AANAT: variants seen among roughly 807,000 people sequenced by gnomAD.
The protein encoded by AANAT is serotonin N-acetyltransferase.
AANAT carries 11 observed loss-of-function variants against 15.6 expected under a neutral mutation model. The observed-to-expected ratio is 0.71, with a 90% CI of 0.44 to 1.17. AANAT has a LOEUF of 1.17. Among genes scored for constraint, AANAT ranks in the 50% most tolerant of loss-of-function variants. AANAT has a pLI of 0.00. For synonymous variants in AANAT, 139 were observed against 131.5 expected, an observed-to-expected ratio of 1.06 and a Z score of -0.39; for missense variants, 286 against 296.3, an observed-to-expected ratio of 0.97 and a Z score of 0.26.
rs1298046407 is a variant in AANAT, at chr17:76,467,697, G to C, written c.-106G>C. 12 of 985,462 alleles carry C rather than the reference G, an allele frequency of 1.2e-5. No individual in the cohort carries two copies. Among genetic ancestry groups the C allele is most frequent in the Admixed American group, 6.1e-5 (1 of 16,296 alleles). The allele number at this position is 985,462 out of a possible 1,614,324, so 61.0% of individuals were successfully genotyped here. A position where few individuals can be genotyped will look rare whatever the true frequency, so the allele number is the denominator to read the frequency against. ...CCCCCAGGGCTAGCGGCTTTGTGGA[G>C]GGAACACTGGGTATCCTCTCCACAG... is the stretch of plus-strand genomic sequence containing the variant. On this transcript the variant is annotated 5_prime_UTR_variant, in exon 1 of 4. Transcript: ENST00000392492.
intron 1 of AANAT, among the ~76,000 whole-genome samples, chr17:76,454,310 A>G (rs2073315364): frequency 6.9e-6 from 1 of 144,630 alleles, no homozygotes; most frequent in African/African-American, 2.6e-5. Flanking sequence ...CCCCATCTCT[A>G]CTAAAAATAC....
Position 76,469,464 on chromosome 17 carries a change from C to G in AANAT, c.318+137C>G. ...AGATGAGTACAGGCCACAGGCCCCT[C>G]CCAGAGCAAGACCTTCTGGGTCTTC... On this transcript the variant is annotated intron_variant, in intron 3 of 3. Coordinates refer to ENST00000392492, the MANE Select transcript of AANAT (RefSeq NM_001088.3). This position sits in a 1 kb window ranked among gnomAD's most constrained non-coding sequence, Gnocchi z 5.2. 6 of 1,329,420 alleles carry G rather than the reference C, an allele frequency of 4.5e-6. No homozygotes were observed. The highest frequency in any genetic ancestry group is 6.1e-6 in the Non-Finnish European group (6 of 979,954). The allele number at this position is 1,329,420 out of a possible 1,614,324, so 82.4% of individuals were successfully genotyped here.
chr17:76,460,601 T>C (rs1013213248), intron 2 of AANAT, among the ~76,000 whole-genome samples: 8 of 152,250 alleles, frequency 5.3e-5, no homozygotes, highest in African/African-American at 1.9e-4. Flanking sequence ...GTGCCCAGCC[T>C]CTTTTGGCTT....
At chr17:76,462,529 C>G (rs761846876) in intron 3 of AANAT, 16 of 152,336 alleles carry the variant, frequency 1.1e-4, no homozygotes, top group Admixed American at 5.9e-4. Context: ...GGGGATGCGC[C>G]AAGGCCTCGG....
chr17:76,468,654 C>T lies in AANAT; in HGVS notation c.-75-18C>T, dbSNP rs749009347. On this transcript the variant is annotated intron_variant, in intron 1 of 3. Transcript: ENST00000392492. ...GGAGATGAGGATGAGACCCCTGTCC[C>T]TTGCTGTTCTCCAACAGGTGCTGGG... 6.5e-7 allele frequency: 1 copy of T among 1,534,088 alleles called. No homozygotes were observed. Among genetic ancestry groups the T allele is most frequent in the Non-Finnish European group, 8.7e-7 (1 of 1,143,700 alleles).
chr17:76,465,882 G>T, upstream of AANAT: 1 of 369,938 alleles, frequency 2.7e-6, no homozygotes, highest in Non-Finnish European at 5.0e-6. Flanking sequence ...TTTTGAGACA[G>T]GGTCTCGCTC....
chr17:76,466,356 C>A, upstream of AANAT: 2 of 557,442 alleles, frequency 3.6e-6, no homozygotes, highest in Non-Finnish European at 5.9e-6. Context: ...CCTCAGAGTG[C>A]AGAGGGGCCC....
upstream of AANAT, among the ~76,000 whole-genome samples, chr17:76,464,799 A>ATTT (rs56837304): frequency 0.024 from 3,578 of 148,370 alleles, 77 homozygotes; most frequent in Non-Finnish European, 0.04. Context: ...GTATCTATAT[A>ATTT]TTTTTTTTTT....
Position 76,469,441 on chromosome 17 carries a change from A to T in AANAT, c.318+114A>T. 6.9e-7 allele frequency: 1 copy of T among 1,453,040 alleles called. No homozygotes were observed. Among genetic ancestry groups the T allele is most frequent in the African/African-American group, 1.4e-5 (1 of 71,726 alleles). The allele number at this position is 1,453,040 out of a possible 1,614,324, so 90.0% of individuals were successfully genotyped here. ...GATTTCTTCCTCCAGAACTGGAGAG[A>T]TGAGTACAGGCCACAGGCCCCTCCC... On this transcript the variant is annotated intron_variant, in intron 3 of 3. Transcript: ENST00000392492. The surrounding 1 kb of genome is among the most constrained non-coding windows in gnomAD (Gnocchi z 5.2).
In AANAT at chr17:76,455,056, A is replaced by C. The variant is rs1032010819; in HGVS notation, c.-576+1274A>C. On this transcript the variant is annotated intron_variant, in intron 1 of 6. Transcript: ENST00000250615. ...GCAGGAGAATCACTTGAACCTGGGGAGTGGAGGTTGTAGTGAGCCTAGATC... is the reference window on the plus strand; with the variant it reads ...GCAGGAGAATCACTTGAACCTGGGGCGTGGAGGTTGTAGTGAGCCTAGATC... Among the ~76,000 whole-genome samples, 24 of 151,054 alleles carry C rather than the reference A, an allele frequency of 1.6e-4. 1 individual carries two copies. The highest frequency in any genetic ancestry group is 1.5e-5 in the Non-Finnish European group (1 of 67,684).
Position 76,469,315 on chromosome 17 carries a change from G to C in AANAT, c.306G>C (p.Glu102Asp), listed in dbSNP as rs1487082168. The change falls in exon 3 of 4, where the codon GAG becomes GAC. Residue 102 changes from glutamate (E) to aspartate (D), a missense_variant. Coordinates refer to ENST00000392492, the MANE Select transcript of AANAT (RefSeq NM_001088.3). The surrounding 1 kb of genome is among the most constrained non-coding windows in gnomAD (Gnocchi z 5.2). ...AFIIGSLWDK[E>D]RLMQESLTLH... ...TCATCGGCTCGCTCTGGGACAAGGA[G>C]AGACTCATGCAGGTGAGGACAGGGC... 1.3e-5 allele frequency: 21 copies of C among 1,614,028 alleles called. No individual in the cohort carries two copies. Among genetic ancestry groups the C allele is most frequent in the Non-Finnish European group, 1.7e-5 (20 of 1,180,028 alleles).
At chr17:76,468,289 TG>T (rs1423203054) in intron 1 of AANAT, among the ~76,000 whole-genome samples, 1 of 152,080 alleles carries the variant, frequency 6.6e-6, no homozygotes, top group Admixed American at 6.5e-5. Context: ...ACGTGGTCAG[TG>T]GAGGGTCACG....
At position 76,469,608 on chromosome 17, in the gene AANAT, G is replaced by T. The variant is rs989642463; in HGVS notation, c.319-57G>T. ...TGCTCCCTGCCTGGGTTGGTGGTTGGGGGGGAGCACGTGTCAGCAGAAGTG... is the reference window on the plus strand; with the variant it reads ...TGCTCCCTGCCTGGGTTGGTGGTTGTGGGGGAGCACGTGTCAGCAGAAGTG... On this transcript the variant is annotated intron_variant, in intron 3 of 3. Coordinates refer to ENST00000392492, the MANE Select transcript of AANAT (RefSeq NM_001088.3). This position sits in a 1 kb window ranked among gnomAD's most constrained non-coding sequence, Gnocchi z 5.2. 11 of 1,426,002 alleles carry T rather than the reference G, an allele frequency of 7.7e-6. No homozygotes were observed. Among genetic ancestry groups the T allele is most frequent in the African/African-American group, 1.4e-5 (1 of 69,594 alleles). 88.3% of individuals were successfully genotyped at this position (1,426,002 alleles called of 1,614,324 possible). A position where few individuals can be genotyped will look rare whatever the true frequency, so the allele number is the denominator to read the frequency against.
upstream of AANAT, among the ~76,000 whole-genome samples, chr17:76,464,654 C>T (rs1003290413): frequency 3.9e-5 from 6 of 152,078 alleles, no homozygotes; most frequent in African/African-American, 7.2e-5. Flanking sequence ...CAAAGAGCCT[C>T]GGCCTCCCAA....
intron 2 of AANAT, among the ~76,000 whole-genome samples, chr17:76,461,494 C>CA (rs2073387437): frequency 6.6e-6 from 1 of 151,310 alleles, no homozygotes; most frequent in African/African-American, 2.4e-5. Flanking sequence ...CCTGTAATCC[C>CA]AGCTACTTGG....
chr17:76,454,392 G>A (rs1861611309), intron 1 of AANAT, among the ~76,000 whole-genome samples: 1 of 151,886 alleles, frequency 6.6e-6, no homozygotes, highest in South Asian at 2.1e-4. Context: ...GGCTGAGGCA[G>A]GCAAATCGCT....
rs942305080 is a variant in AANAT at position 76,468,955 on chromosome 17, A to G, written c.163+46A>G. 51 of 1,584,006 alleles carry G rather than the reference A, an allele frequency of 3.2e-5. 1 individual carries two copies. In the Admixed American group the frequency reaches 8.4e-4, roughly 26 times the overall value. On this transcript the variant is annotated intron_variant, in intron 2 of 3. Coordinates refer to ENST00000392492, the MANE Select transcript of AANAT (RefSeq NM_001088.3). ...TCAGAGGGATGCTCCACTCTGGTCCAGTTATCCTGTGGGGAGGAGACCCTT... is the reference window on the plus strand; with the variant it reads ...TCAGAGGGATGCTCCACTCTGGTCCGGTTATCCTGTGGGGAGGAGACCCTT...
chr17:76,467,310 T>A (rs1442367890), upstream of AANAT, among the ~76,000 whole-genome samples: 2 of 152,084 alleles, frequency 1.3e-5, no homozygotes, highest in Admixed American at 6.5e-5. Context: ...GGTGGGCTTG[T>A]CCAAGACTCC....
intron 1 of AANAT, among the ~76,000 whole-genome samples, chr17:76,453,957 A>G (rs1458139915): frequency 1.3e-5 from 2 of 152,192 alleles, no homozygotes; most frequent in African/African-American, 2.4e-5. Context: ...AAATAGGCAC[A>G]CTGATTAACT....
Sources: gnomAD v4.1 joint callset for allele counts (sites outside exome capture counted in the v4.1 genomes callset) on GRCh38, gnomAD v4.1.1 for gene constraint, Gnocchi (gnomAD v3.1) non-coding constraint, MANE v1.5 for transcripts, NCBI Gene and HGNC (gene_info 2026-07-23, HGNC 2026-07-21) for gene names.